Variants in DDX42 observed in about 807,000 individuals in gnomAD.
DDX42 encodes ATP-dependent RNA helicase DDX42.
Under a neutral mutation model 101.5 loss-of-function variants are expected in DDX42, and 22 were observed. The ratio of observed to expected loss-of-function variants is 0.22; its 90% CI spans 0.15 to 0.31. The LOEUF (loss-of-function observed/expected upper bound fraction) is 0.31. Among genes scored for constraint, DDX42 ranks in the 10% least tolerant of loss-of-function variants. The probability of loss-of-function intolerance (pLI) is 1.00; values close to 1 mark genes in which losing one functional copy is unlikely to be tolerated. For synonymous variants in DDX42, 402 were observed against 401.2 expected (o/e 1.00, Z -0.02); for missense variants, 849 against 1,199.9 (o/e 0.71, Z 4.32).
intron 16 of DDX42, chr17:63,815,882 A>G: frequency 3.4e-6 from 1 of 291,550 alleles, no homozygotes; most frequent in Admixed American, 5.2e-5. Context: ...TTGGTTGACT[A>G]GGCTTGCTCA....
chr17:63,789,559 GTTTTTGTTTTTGTTTTTTT>G (rs1567733030), intron 2 of DDX42, among the ~76,000 whole-genome samples: 1,119 of 24,222 alleles, frequency 0.046, 51 homozygotes, highest in African/African-American at 0.22. Flanking sequence ...TTTTGTTTTT[GTTTTTGTTTTTGTTTTTTT>G]TTTTTTTTTT....
chr17:63,783,950 G>A (rs868380357), intron 1 of DDX42, among the ~76,000 whole-genome samples: 10 of 152,088 alleles, frequency 6.6e-5, no homozygotes, highest in African/African-American at 2.4e-4. Context: ...TGTAATCCCA[G>A]CTACTCGGGA....
At chr17:63,789,336 C>T (rs1272232009) in intron 2 of DDX42, among the ~76,000 whole-genome samples, 1 of 152,020 alleles carries the variant, frequency 6.6e-6, no homozygotes, top group Non-Finnish European at 1.5e-5. Flanking sequence ...GCCTCAGCCT[C>T]CCAAAATGCT....
At chr17:63,775,486 G>C (rs1270781975) in intron 1 of DDX42, among the ~76,000 whole-genome samples, 1 of 152,158 alleles carries the variant, frequency 6.6e-6, no homozygotes, top group Non-Finnish European at 1.5e-5. Flanking sequence ...AGGGGGTTGG[G>C]GAGGTGGTGG....
At chr17:63,804,822 C>T (rs564410171) in intron 6 of DDX42, among the ~76,000 whole-genome samples, 1 of 152,230 alleles carries the variant, frequency 6.6e-6, no homozygotes, top group East Asian at 1.9e-4. Context: ...GCACTACAGC[C>T]TGGGTGACAG....
chr17:63,807,167 G>C (rs187163346), intron 8 of DDX42, among the ~76,000 whole-genome samples: 1 of 152,218 alleles, frequency 6.6e-6, no homozygotes, highest in Non-Finnish European at 1.5e-5. Flanking sequence ...TGGGGACAGA[G>C]TCTCACTCTG....
In DDX42 at chr17:63,779,576, T is replaced by C. The variant is rs2039461286; in HGVS notation, c.-17+5200T>C. On this transcript the variant is annotated intron_variant, in intron 1 of 17. Coordinates refer to ENST00000389924, the MANE Select transcript of DDX42 (RefSeq NM_203499.3). Reference sequence around the variant, plus strand: ...ACTGTGCCCACCTCATTTTGTTTTCTTCTTTTGGTACTATCACCACAATCT... The same window carrying C: ...ACTGTGCCCACCTCATTTTGTTTTCCTCTTTTGGTACTATCACCACAATCT... 2.7e-5 allele frequency among the ~76,000 whole-genome samples: 4 copies of C among 150,578 alleles called. No homozygotes were observed. The South Asian group carries it at 8.3e-4, about 31-fold the overall frequency.
intron 1 of DDX42, chr17:63,775,120 C>T (rs775462206): frequency 1.3e-5 from 2 of 152,614 alleles, no homozygotes; most frequent in Non-Finnish European, 2.9e-5. Context: ...CTTCCTCAAG[C>T]GCAGGGACTA....
chr17:63,817,655 T>G, intron 17 of DDX42, 39 bp from the exon 18 acceptor site: 1 of 1,586,866 alleles, frequency 6.3e-7, no homozygotes. Context: ...TTCTTGAACT[T>G]GCTATCTTAC....
At position 63,789,537 on chromosome 17, in the gene DDX42, T is replaced by G. The variant is rs568228106; in HGVS notation, c.221+2267T>G. 3.6e-5 allele frequency among the ~76,000 whole-genome samples: 5 copies of G among 140,440 alleles called. No individual in the cohort carries two copies. In the East Asian group the frequency reaches 1.0e-3, roughly 29 times the overall value. The allele number at this position is 140,440 out of a possible 152,430, so 92.1% of individuals were successfully genotyped here. A position where few individuals can be genotyped will look rare whatever the true frequency, so the allele number is the denominator to read the frequency against. On this transcript the variant is annotated intron_variant, in intron 2 of 17. Coordinates refer to ENST00000389924, the MANE Select transcript of DDX42 (RefSeq NM_203499.3). Reference sequence around the variant, plus strand: ...CAGATGTTAATTGGAAAAAAAAGCTTCTAAAAGACTTTTTTGTTTTTGTTT... The same window carrying G: ...CAGATGTTAATTGGAAAAAAAAGCTGCTAAAAGACTTTTTTGTTTTTGTTT...
At chr17:63,817,198 T>C (rs992010619) in intron 17 of DDX42, 1 of 488,602 alleles carries the variant, frequency 2.0e-6, no homozygotes, top group Non-Finnish European at 3.7e-6. Flanking sequence ...GGCCTGGGAT[T>C]GTTGTCCTGC....
intron 4 of DDX42, among the ~76,000 whole-genome samples, chr17:63,799,019 A>G (rs1475067626): frequency 2.6e-5 from 4 of 152,230 alleles, no homozygotes; most frequent in Non-Finnish European, 4.4e-5. Flanking sequence ...CTCCTGAGAC[A>G]TACAGCAAGT....
chr17:63,794,243 A>T (rs1413294160), intron 3 of DDX42, among the ~76,000 whole-genome samples: 2 of 152,104 alleles, frequency 1.3e-5, no homozygotes, highest in Non-Finnish European at 2.9e-5. Context: ...CTCCATACTT[A>T]AAAACTGTCA....
intron 2 of DDX42, among the ~76,000 whole-genome samples, chr17:63,791,801 C>T (rs910924462): frequency 6.6e-6 from 1 of 152,080 alleles, no homozygotes; most frequent in Admixed American, 6.6e-5. Context: ...AATCTCAGTA[C>T]TTTGGAGGCT....
At chr17:63,783,333 T>G (rs1410024504) in intron 1 of DDX42, among the ~76,000 whole-genome samples, 2 of 152,202 alleles carry the variant, frequency 1.3e-5, no homozygotes, top group African/African-American at 4.8e-5. Flanking sequence ...ATTCTTAAAA[T>G]CCACCTGAAC....
At position 63,795,789 on chromosome 17, in the gene DDX42, C is replaced by T. The variant is rs186232525; in HGVS notation, c.373-2249C>T. 4.5e-3 allele frequency among the ~76,000 whole-genome samples: 689 copies of T among 152,272 alleles called. 5 individuals carry two copies. Among genetic ancestry groups the T allele is most frequent in the Non-Finnish European group, 7.0e-3 (479 of 68,002 alleles). The stretch of plus-strand genomic sequence containing the variant: ...ATTTCCAGTTTGGTCTTTGAATTTG[C>T]CATCTTTGATTTATAACAACTTAAG... On this transcript the variant is annotated intron_variant, in intron 3 of 17. Transcript: ENST00000389924.
chr17:63,809,690 C>G (rs1258045371), intron 11 of DDX42, 31 bp downstream of exon 11: 1 of 1,562,822 alleles, frequency 6.4e-7, no homozygotes, highest in Middle Eastern at 1.7e-4. Context: ...TCTTCTGTCC[C>G]CATCCTCATG....
Position 63,798,106 on chromosome 17 carries a change from TG to T in DDX42, c.434+8del, listed in dbSNP as rs1444585164. The T allele has an allele frequency of 5.0e-6, 8 of 1,613,006 alleles. No homozygotes were observed. The highest frequency in any genetic ancestry group is 5.9e-6 in the Non-Finnish European group (7 of 1,179,554). ...AGGAAAGAAAAAACGTAAAGTAAGT[TG>T]TTTTCTTCTCCCTCACAAAGGTTAC... On this transcript the variant is annotated splice_region_variant and intron_variant, in intron 4 of 17. Transcript: ENST00000389924.
chr17:63,812,218 G>A lies in DDX42; in HGVS notation c.1675+10G>A, dbSNP rs1220949188. The A allele has an allele frequency of 6.2e-7, 1 of 1,606,396 alleles. No homozygotes were observed. Among genetic ancestry groups the A allele is most frequent in the East Asian group, 2.2e-5 (1 of 44,794 alleles). On this transcript the variant is annotated intron_variant, in intron 14 of 17. Coordinates refer to ENST00000389924, the MANE Select transcript of DDX42 (RefSeq NM_203499.3). Reference sequence around the variant, plus strand: ...GCCACAGATGTTGCAGGTAGAGTATGAATTTTTCAACAACATTAAGTTCCT... The same window carrying A: ...GCCACAGATGTTGCAGGTAGAGTATAAATTTTTCAACAACATTAAGTTCCT...
Sources: allele counts gnomAD v4.1 joint callset (sites outside exome capture counted in the v4.1 genomes callset), GRCh38; gene constraint gnomAD v4.1.1; transcripts MANE v1.5; gene names NCBI Gene and HGNC (gene_info 2026-07-23, HGNC 2026-07-21).